The following PAPLN variants were observed in gnomAD, a reference collection of about 807,000 sequenced individuals.
PAPLN encodes papilin, proteoglycan like sulfated glycoprotein.
PAPLN carries 146 observed loss-of-function variants against 159.0 expected under a neutral mutation model. The ratio of observed to expected loss-of-function variants is 0.92; its 90% CI spans 0.80 to 1.05. The LOEUF is 1.05. Among genes scored for constraint, PAPLN ranks in the 50% least tolerant of loss-of-function variants. The probability of loss-of-function intolerance (pLI) is 0.00; values close to 1 mark genes in which losing one functional copy is unlikely to be tolerated. For synonymous variants in PAPLN, 734 were observed against 702.9 expected, an observed-to-expected ratio of 1.04 and a Z score of -0.70; for missense variants, 1,720 against 1,743.9, an observed-to-expected ratio of 0.99 and a Z score of 0.24.
intron 9 of PAPLN, 40 bp from the exon 10 acceptor site, chr14:73,251,973 AGTGCT>A (rs1417440260): frequency 5.1e-5 from 81 of 1,576,696 alleles, no homozygotes; most frequent in Non-Finnish European, 6.7e-5. Flanking sequence ...AGGGTGTGGG[AGTGCT>A]CCCCAGCAGC....
intron 21 of PAPLN, 43 bp downstream of exon 21, chr14:73,264,378 C>G (rs368809524): frequency 3.1e-6 from 5 of 1,589,400 alleles, no homozygotes; most frequent in South Asian, 1.1e-5. Flanking sequence ...CTCAGGGGCC[C>G]GAGTGGGAAG....
intron 20 of PAPLN, 83 bp downstream of exon 20, chr14:73,263,865 ACCTCCTCTGATAGGTGTGACAGACCC>A: frequency 8.4e-7 from 1 of 1,197,064 alleles, no homozygotes; most frequent in East Asian, 3.4e-5. Context: ...CAGCTCCCCC[ACCTCCTCTGATAGGTGTGACAGACCC>A]CCTCCTCCTT....
intron 18 of PAPLN, among the ~76,000 whole-genome samples, chr14:73,261,590 A>G (rs1886594812): frequency 6.6e-6 from 1 of 152,204 alleles, no homozygotes; most frequent in Non-Finnish European, 1.5e-5. Context: ...CTTCTGAGGC[A>G]GAGCCAGTGC....
rs569045770 is a variant in PAPLN, at chr14:73,273,360, GGCTCA to G, written c.*697_*701del. 6.6e-6 allele frequency: 1 copy of G among 150,472 alleles called. No homozygotes were observed. The highest frequency in any genetic ancestry group is 1.5e-5 in the Non-Finnish European group (1 of 67,724). 9.3% of individuals were successfully genotyped at this position (150,472 alleles called of 1,614,324 possible). A position where few individuals can be genotyped will look rare whatever the true frequency, so the allele number is the denominator to read the frequency against. On this transcript the variant is annotated 3_prime_UTR_variant, in exon 27 of 27. Coordinates refer to ENST00000644200, the MANE Select transcript of PAPLN (RefSeq NM_001365906.3). ...GGCTGGAGTACAATGGTGCGATCTT[GGCTCA>G]CTGCAACCTCCACCTCCTGGGTTCA...
In PAPLN at chr14:73,274,504, A is replaced by ATGTG. The variant is rs1049305491; in HGVS notation, c.*1841_*1844dup. 1.3e-5 allele frequency: 2 copies of ATGTG among 152,242 alleles called. No individual in the cohort carries two copies. Among genetic ancestry groups the ATGTG allele is most frequent in the African/African-American group, 4.8e-5 (2 of 41,462 alleles). The allele number at this position is 152,242 out of a possible 1,614,324, so 9.4% of individuals were successfully genotyped here. A position where few individuals can be genotyped will look rare whatever the true frequency, so the allele number is the denominator to read the frequency against. On this transcript the variant is annotated 3_prime_UTR_variant, in exon 27 of 27. Coordinates refer to ENST00000644200, the MANE Select transcript of PAPLN (RefSeq NM_001365906.3). ...CTTCTCTACTCATTCAACAAAGGAA[A>ATGTG]TGTGGGCTGGGGCAGAGGTCTTTTT...
At chr14:73,243,956 G>C (rs1404582824) in intron 2 of PAPLN, 5 of 152,310 alleles carry the variant, frequency 3.3e-5, no homozygotes, top group Non-Finnish European at 5.9e-5. Flanking sequence ...CATCACATCT[G>C]CTTCCCAGAC....
chr14:73,242,755 T>C (rs1594775204), intron 2 of PAPLN: 1 of 152,242 alleles, frequency 6.6e-6, no homozygotes, highest in African/African-American at 2.4e-5. Context: ...GGAGTAGATA[T>C]TTTACAAAGT....
intron 5 of PAPLN, among the ~76,000 whole-genome samples, chr14:73,247,446 T>A (rs1479915262): frequency 6.6e-6 from 1 of 152,196 alleles, no homozygotes; most frequent in African/African-American, 2.4e-5. Flanking sequence ...AAGGAGCACT[T>A]ATATTCTCTC....
At chr14:73,271,832 G>T (rs1339137663) in intron 26 of PAPLN, among the ~76,000 whole-genome samples, 1 of 151,278 alleles carries the variant, frequency 6.6e-6, no homozygotes, top group Non-Finnish European at 1.5e-5. Context: ...ATGAGATACA[G>T]ACGTTCCTAG....
Position 73,251,183 on chromosome 14 carries a change from G to A in PAPLN, c.589+153G>A, listed in dbSNP as rs577916423. On this transcript the variant is annotated intron_variant, in intron 7 of 26. Transcript: ENST00000644200. The stretch of plus-strand genomic sequence containing the variant: ...TCAGGTCACATCTGAAAGGCCCCCT[G>A]TGGCCTTTGGTTAGGACTCGTGCCC... 7.9e-5 allele frequency among the ~76,000 whole-genome samples: 12 copies of A among 152,292 alleles called. No homozygotes were observed. The South Asian group carries it at 2.5e-3, about 32-fold the overall frequency.
rs1886285177 is a variant in PAPLN at position 73,259,285 on chromosome 14, G to T, written c.1725G>T (p.Trp575Cys). 1 of 1,566,884 alleles carries T rather than the reference G, an allele frequency of 6.4e-7. No homozygotes were observed. Among genetic ancestry groups the T allele is most frequent in the South Asian group, 1.2e-5 (1 of 84,862 alleles). Residue 575 changes from tryptophan (W) to cysteine (C), a missense_variant, in exon 16 of 27, where the codon TGG (tryptophan) becomes TGT (cysteine). Physicochemically the swap from Trp to Cys is radical, Grantham distance 215. Transcript: ENST00000644200. ...TCTTTCTAGACTCCAGAGGCCAGTGGTGGGCAGCCCAGGAACACCCCTCAG... is the reference window on the plus strand; with the variant it reads ...TCTTTCTAGACTCCAGAGGCCAGTGTTGGGCAGCCCAGGAACACCCCTCAG... ...ESPASDSRGQ[W>C]WAAQEHPSAR...
chr14:73,270,388 G>T (rs962348496), intron 26 of PAPLN, among the ~76,000 whole-genome samples: 1 of 152,196 alleles, frequency 6.6e-6, no homozygotes, highest in Non-Finnish European at 1.5e-5. Flanking sequence ...AAATGTTCCC[G>T]CCGCTCGCAG....
At chr14:73,270,484 T>TCA (rs1887623923) in intron 26 of PAPLN, among the ~76,000 whole-genome samples, 1 of 152,190 alleles carries the variant, frequency 6.6e-6, no homozygotes, top group Non-Finnish European at 1.5e-5. Context: ...CTCAGATACA[T>TCA]GGTGACTAAG....
In PAPLN at chr14:73,262,713, C is replaced by T. The variant is rs1365907703; in HGVS notation, c.2609C>T (p.Pro870Leu). 2 of 1,510,598 alleles carry T rather than the reference C, an allele frequency of 1.3e-6. No individual in the cohort carries two copies. The highest frequency in any genetic ancestry group is 1.8e-6 in the Non-Finnish European group (2 of 1,131,908). 93.6% of individuals were successfully genotyped at this position (1,510,598 alleles called of 1,614,324 possible). ...QDQQPGPGEA[P>L]HTQAFGEWPW... The stretch of plus-strand genomic sequence containing the variant: ...CAACAGCCTGGGCCAGGGGAGGCCC[C>T]CCACACCCAGGCCTTTGGAGAATGG... The change falls in exon 19 of 27, where the codon CCC (proline) becomes CTC (leucine). Residue 870 changes from proline to leucine, a missense_variant. By Grantham distance (98) the Pro-to-Leu change is moderately conservative. Transcript: ENST00000644200.
chr14:73,262,269 T>C, intron 18 of PAPLN, 81 bp from the exon 19 acceptor site: 3 of 1,370,922 alleles, frequency 2.2e-6, no homozygotes, highest in East Asian at 2.3e-5. Flanking sequence ...GCCTGCTTCC[T>C]GAGTCGGAGG....
Position 73,237,541 on chromosome 14 carries a change from G to C in PAPLN, c.-58G>C, listed in dbSNP as rs762641637. ...CGACCTCGCGGGCTTGGGCCTGGGC[G>C]GGCACCGACGGAGCGGCCCTGGCTG... On this transcript the variant is annotated 5_prime_UTR_variant, in exon 1 of 27. Transcript: ENST00000644200. The C allele has an allele frequency of 1.3e-5, 2 of 152,270 alleles. No individual in the cohort carries two copies. Among genetic ancestry groups the C allele is most frequent in the Non-Finnish European group, 2.9e-5 (2 of 68,094 alleles). 9.4% of individuals were successfully genotyped at this position (152,270 alleles called of 1,614,324 possible). A position where few individuals can be genotyped will look rare whatever the true frequency, so the allele number is the denominator to read the frequency against.
chr14:73,272,454 G>A (rs778959951), intron 26 of PAPLN, 41 bp from the exon 27 acceptor site: 1 of 1,469,312 alleles, frequency 6.8e-7, no homozygotes, highest in Non-Finnish European at 9.1e-7. Flanking sequence ...AGCATACACA[G>A]AGCTTCCTCA....
chr14:73,245,963 G>T lies in PAPLN; in HGVS notation c.232-110G>T. On this transcript the variant is annotated intron_variant, in intron 4 of 26. Transcript: ENST00000644200. This position sits in a 1 kb window ranked among gnomAD's most constrained non-coding sequence, Gnocchi z 4.2. ...GGCGGACTCCACCTCCGGCGGCTCC[G>T]ATGGGGCAGGCAAGGGAGACTCCTG... is the stretch of plus-strand genomic sequence containing the variant. 2 of 1,161,830 alleles carry T rather than the reference G, an allele frequency of 1.7e-6. No individual in the cohort carries two copies. Among genetic ancestry groups the T allele is most frequent in the South Asian group, 1.6e-5 (1 of 61,612 alleles). 72.0% of individuals were successfully genotyped at this position (1,161,830 alleles called of 1,614,324 possible).
At chr14:73,257,826 C>T (rs1234383874) in intron 14 of PAPLN, among the ~76,000 whole-genome samples, 5 of 138,376 alleles carry the variant, frequency 3.6e-5, no homozygotes, top group Non-Finnish European at 7.5e-5. Flanking sequence ...TGCAGTGGCG[C>T]GATCTCGGCT....
Sources: allele counts gnomAD v4.1 joint callset (sites outside exome capture counted in the v4.1 genomes callset), GRCh38; gene constraint gnomAD v4.1.1; non-coding constraint Gnocchi (gnomAD v3.1); transcripts MANE v1.5; gene names NCBI Gene and HGNC (gene_info 2026-07-23, HGNC 2026-07-21).